XKR6: variants seen among roughly 807,000 people sequenced by gnomAD.
XKR6 encodes XK related 6.
Under a neutral mutation model 56.7 loss-of-function variants are expected in XKR6, and 22 were observed. The ratio of observed to expected loss-of-function variants is 0.39; its 90% CI spans 0.28 to 0.55. XKR6 has a LOEUF of 0.55. Ranked by LOEUF, XKR6 falls within the 20% of genes least tolerant of loss-of-function variation. The probability of loss-of-function intolerance (pLI) is 0.66; values close to 1 mark genes in which losing one functional copy is unlikely to be tolerated. For missense variants in XKR6, 852 were observed against 889.0 expected, an observed-to-expected ratio of 0.96 and a Z score of 0.53; for synonymous variants, 524 against 387.8, an observed-to-expected ratio of 1.35 and a Z score of -4.13.
At chr8:11,107,894 T>C (rs566451933) in intron 1 of XKR6, 2 of 223,088 alleles carry the variant, frequency 9.0e-6, no homozygotes, top group African/African-American at 2.4e-5. Context: ...TCCTGTCTCA[T>C]GTACAAAGAG....
intron 1 of XKR6, chr8:11,114,066 C>T (rs994445323): frequency 2.3e-6 from 1 of 442,484 alleles, no homozygotes; most frequent in African/African-American, 2.0e-5. Flanking sequence ...TCATTTCAGG[C>T]TGAGGCCTCA....
At chr8:11,062,006 G>T (rs1017627200) in intron 1 of XKR6, among the ~76,000 whole-genome samples, 1 of 152,254 alleles carries the variant, frequency 6.6e-6, no homozygotes. Context: ...AACCAGGACA[G>T]TGACTGGCTC....
At chr8:11,048,729 G>T (rs749424059) in intron 1 of XKR6, among the ~76,000 whole-genome samples, 1 of 152,166 alleles carries the variant, frequency 6.6e-6, no homozygotes, top group African/African-American at 2.4e-5. Context: ...TGCAGGGTTT[G>T]TGCTACCCCC....
intron 1 of XKR6, among the ~76,000 whole-genome samples, chr8:10,952,965 CGAGGGATCTAGGCTGCGCGCTCCTT>C (rs1563308719): frequency 6.6e-6 from 1 of 152,052 alleles, no homozygotes; most frequent in Non-Finnish European, 1.5e-5. Context: ...ACTGTGCCTG[CGAGGGATCTAGGCTGCGCGCTCCTT>C]ATGAGAATCT....
At chr8:11,042,808 C>T (rs2129156627) in intron 1 of XKR6, among the ~76,000 whole-genome samples, 1 of 152,348 alleles carries the variant, frequency 6.6e-6, no homozygotes, top group East Asian at 1.9e-4. Flanking sequence ...ATTTGGATCC[C>T]AGCAGTGGAC....
At chr8:11,114,609 C>CT (rs751564522) in intron 1 of XKR6, among the ~76,000 whole-genome samples, 7 of 152,210 alleles carry the variant, frequency 4.6e-5, no homozygotes, top group Non-Finnish European at 8.8e-5. Context: ...GATCCACCCG[C>CT]CTTGGCCTCC....
intron 1 of XKR6, among the ~76,000 whole-genome samples, chr8:11,014,435 C>A (rs548959535): frequency 2.0e-5 from 3 of 152,198 alleles, no homozygotes; most frequent in African/African-American, 7.2e-5. Context: ...AAACCCCCTG[C>A]GGGCTCCCCA....
At chr8:10,976,258 T>C (rs771069990) in intron 1 of XKR6, among the ~76,000 whole-genome samples, 2 of 151,988 alleles carry the variant, frequency 1.3e-5, no homozygotes, top group African/African-American at 4.8e-5. Flanking sequence ...AAAAGTCTAT[T>C]TGTTGAATGA....
intron 1 of XKR6, among the ~76,000 whole-genome samples, chr8:11,024,205 GT>G (rs1380183057): frequency 0.2 from 1,441 of 7,174 alleles, 23 homozygotes; most frequent in African/African-American, 0.37. Flanking sequence ...CTGTTAGGAG[GT>G]GTGTGTGTGT....
intron 1 of XKR6, among the ~76,000 whole-genome samples, chr8:10,949,289 G>C (rs1244654277): frequency 6.6e-6 from 1 of 152,262 alleles, no homozygotes; most frequent in Non-Finnish European, 1.5e-5. Flanking sequence ...CAGCTTAGTG[G>C]ACTCTCCATA....
intron 1 of XKR6, among the ~76,000 whole-genome samples, chr8:11,072,582 G>C (rs150684380): frequency 2.0e-3 from 299 of 152,308 alleles, no homozygotes; most frequent in Middle Eastern, 6.8e-3. Flanking sequence ...CTCATGTTGA[G>C]TGGAGAGAGA....
chr8:11,007,884 G>C (rs1798407329), intron 1 of XKR6, among the ~76,000 whole-genome samples: 1 of 152,048 alleles, frequency 6.6e-6, no homozygotes, highest in Non-Finnish European at 1.5e-5. Flanking sequence ...CAACAAGCAG[G>C]CAGGGAGCTT....
intron 1 of XKR6, among the ~76,000 whole-genome samples, chr8:11,103,151 T>G (rs1798547097): frequency 6.6e-6 from 1 of 151,954 alleles, no homozygotes; most frequent in Non-Finnish European, 1.5e-5. Flanking sequence ...GAATTAATCC[T>G]ACTTAATCTC....
rs371470775 is a variant in XKR6, at chr8:11,160,194, C to G, written c.764+40382G>C. ...AATCACATATGAAGAAAATGTACGTCAGAAACAAAAAAAAAGTAAATTCCT... is the reference window on the plus strand; with the variant it reads ...AATCACATATGAAGAAAATGTACGTGAGAAACAAAAAAAAAGTAAATTCCT... On this transcript the variant is annotated intron_variant, in intron 1 of 2. Coordinates refer to ENST00000416569, the MANE Select transcript of XKR6 (RefSeq NM_173683.4). 3.3e-3 allele frequency among the ~76,000 whole-genome samples: 492 copies of G among 147,016 alleles called. 23 individuals carry two copies. In the South Asian group the frequency reaches 0.094, roughly 28 times the overall value.
intron 1 of XKR6, among the ~76,000 whole-genome samples, chr8:11,103,141 G>A (rs1798546814): frequency 6.6e-6 from 1 of 152,054 alleles, no homozygotes; most frequent in African/African-American, 2.4e-5. Context: ...GGCAGCTACT[G>A]AATTAATCCT....
intron 1 of XKR6, among the ~76,000 whole-genome samples, chr8:11,021,204 A>G (rs1798742373): frequency 6.6e-6 from 1 of 152,198 alleles, no homozygotes; most frequent in South Asian, 2.1e-4. Flanking sequence ...GCAGCCTCTT[A>G]CAGGAAGGCA....
chr8:11,050,446 T>C (rs977959374), intron 1 of XKR6, among the ~76,000 whole-genome samples: 3 of 151,562 alleles, frequency 2.0e-5, no homozygotes, highest in Admixed American at 6.6e-5. Context: ...TACAACTCTA[T>C]GAAGAACAAT....
intron 1 of XKR6, among the ~76,000 whole-genome samples, chr8:11,180,693 C>T (rs1802923897): frequency 6.6e-6 from 1 of 152,010 alleles, no homozygotes. Context: ...ATGCTTGGGC[C>T]CAGGAGTTCA....
At chr8:10,953,371 A>G (rs576087269) in intron 1 of XKR6, among the ~76,000 whole-genome samples, 14 of 152,022 alleles carry the variant, frequency 9.2e-5, no homozygotes, top group East Asian at 1.9e-4. Flanking sequence ...TGCTCCCACC[A>G]TCTGAGATGC....
Sources: gnomAD v4.1 joint callset for allele counts (sites outside exome capture counted in the v4.1 genomes callset) on GRCh38, gnomAD v4.1.1 for gene constraint, MANE v1.5 for transcripts, NCBI Gene and HGNC (gene_info 2026-07-23, HGNC 2026-07-21) for gene names.